Variants in GSN observed in about 807,000 individuals in gnomAD.
GSN encodes actin-depolymerizing factor.
Under a neutral mutation model 85.7 loss-of-function variants are expected in GSN, and 56 were observed. The ratio of observed to expected loss-of-function variants is 0.65; its 90% confidence interval spans 0.53 to 0.82. The LOEUF is 0.82. Among genes scored for constraint, GSN ranks in the 40% least tolerant of loss-of-function variants. The pLI is 0.00. For synonymous variants in GSN, 373 were observed against 399.1 expected, an observed-to-expected ratio of 0.93 and a Z score of 0.78; for missense variants, 857 against 979.8, an observed-to-expected ratio of 0.87 and a Z score of 1.67.
At chr9:121,286,924 T>C (rs2058160358) in intron 2 of GSN, among the ~76,000 whole-genome samples, 1 of 152,176 alleles carries the variant, frequency 6.6e-6, no homozygotes, top group South Asian at 2.1e-4. Flanking sequence ...TTGGGGAGGA[T>C]TCAACAAGAC....
intron 4 of GSN, 45 bp from the exon 5 acceptor site, chr9:121,310,639 C>T (rs41305625): frequency 6.7e-4 from 1,081 of 1,601,798 alleles, no homozygotes; most frequent in Non-Finnish European, 8.9e-4. Context: ...ATCTGCTTCC[C>T]TGGGCCTTCT....
intron 4 of GSN, among the ~76,000 whole-genome samples, chr9:121,220,921 T>C (rs2054157949): frequency 6.6e-6 from 1 of 152,218 alleles, no homozygotes; most frequent in African/African-American, 2.4e-5. Flanking sequence ...TTGTTAAAAG[T>C]GAATAGATGT....
At chr9:121,305,639 G>A (rs1279856918) in intron 4 of GSN, among the ~76,000 whole-genome samples, 1 of 152,210 alleles carries the variant, frequency 6.6e-6, no homozygotes, top group Admixed American at 6.5e-5. Context: ...TACTTGGATA[G>A]CCAGGTTCCC....
At chr9:121,324,913 T>C (rs2062969537) in intron 12 of GSN, among the ~76,000 whole-genome samples, 1 of 152,188 alleles carries the variant, frequency 6.6e-6, no homozygotes, top group Non-Finnish European at 1.5e-5. Flanking sequence ...TAGTAGACAT[T>C]CAACACACAG....
At chr9:121,281,965 G>A (rs1208382924) in intron 2 of GSN, 1 of 472,090 alleles carries the variant, frequency 2.1e-6, no homozygotes, top group Non-Finnish European at 4.4e-6. Flanking sequence ...TGAGAAAAAT[G>A]GGGGTCCATT....
At chr9:121,228,158 A>G (rs943018052) in intron 4 of GSN, among the ~76,000 whole-genome samples, 1 of 151,888 alleles carries the variant, frequency 6.6e-6, no homozygotes, top group Non-Finnish European at 1.5e-5. Context: ...TACCTACTCA[A>G]ATGTCTACCT....
At chr9:121,233,153 G>T (rs972998280) in intron 5 of GSN, among the ~76,000 whole-genome samples, 1 of 152,050 alleles carries the variant, frequency 6.6e-6, no homozygotes, top group Admixed American at 6.6e-5. Context: ...CCCTCTTGGA[G>T]CCCAGAGCTG....
At chr9:121,326,245 C>T (rs2063151244) in intron 12 of GSN, among the ~76,000 whole-genome samples, 1 of 151,886 alleles carries the variant, frequency 6.6e-6, no homozygotes, top group Non-Finnish European at 1.5e-5. Flanking sequence ...TCTCCTGGTT[C>T]TTGGACCAGG....
chr9:121,278,276 G>C lies in GSN; in HGVS notation c.-102-3194G>C, dbSNP rs149223609. 1.4e-4 allele frequency among the ~76,000 whole-genome samples: 22 copies of C among 152,308 alleles called. No individual in the cohort carries two copies. In the East Asian group the frequency reaches 3.7e-3, roughly 25 times the overall value. Reference sequence around the variant, plus strand: ...GTTATTGCAATGATGAGACATGCCTGTAGAGTTTAACGCTTGGAAGGTGCA... The same window carrying C: ...GTTATTGCAATGATGAGACATGCCTCTAGAGTTTAACGCTTGGAAGGTGCA... On this transcript the variant is annotated intron_variant, in intron 1 of 17. Coordinates refer to ENST00000432226, the MANE Select transcript of GSN (RefSeq NM_198252.3).
chr9:121,294,589 G>T (rs1359842423), intron 2 of GSN, among the ~76,000 whole-genome samples: 1 of 152,170 alleles, frequency 6.6e-6, no homozygotes, highest in East Asian at 1.9e-4. Context: ...GAGACAGTTG[G>T]TCTCCTGGAG....
chr9:121,303,687 G>A (rs1340535108), intron 4 of GSN, among the ~76,000 whole-genome samples: 1 of 152,166 alleles, frequency 6.6e-6, no homozygotes, highest in African/African-American at 2.4e-5. Flanking sequence ...TTCCTCTCTG[G>A]TTACCTGAGA....
chr9:121,316,689 T>C (rs1191905612), intron 7 of GSN, among the ~76,000 whole-genome samples: 2 of 152,194 alleles, frequency 1.3e-5, no homozygotes, highest in African/African-American at 4.8e-5. Context: ...CAGGCTGGTC[T>C]TGAACTCCTG....
chr9:121,310,615 TC>T, intron 4 of GSN, 68 bp from the exon 5 acceptor site: 1 of 1,481,134 alleles, frequency 6.8e-7, no homozygotes, highest in Non-Finnish European at 9.4e-7. Flanking sequence ...CTCAATTCTG[TC>T]CCCTTCTTCC....
At chr9:121,273,988 TG>T (rs1478998551) in intron 1 of GSN, among the ~76,000 whole-genome samples, 2 of 152,228 alleles carry the variant, frequency 1.3e-5, no homozygotes, top group Non-Finnish European at 2.9e-5. Context: ...TAAAAACTTC[TG>T]GTGAAAAGGT....
At chr9:121,217,201 A>C (rs2054079831) in intron 4 of GSN, among the ~76,000 whole-genome samples, 1 of 151,958 alleles carries the variant, frequency 6.6e-6, no homozygotes, top group African/African-American at 2.4e-5. Context: ...GTTTCTACTA[A>C]AAATACAAAA....
chr9:121,236,113 C>G lies in GSN; in HGVS notation c.-389+4810C>G, dbSNP rs527313362. Among the ~76,000 whole-genome samples, 407 of 152,322 alleles carry G rather than the reference C, an allele frequency of 2.7e-3. 1 individual carries two copies. The highest frequency in any genetic ancestry group is 9.1e-3 in the African/African-American group (377 of 41,558). On this transcript the variant is annotated intron_variant, in intron 5 of 24. Transcript: ENST00000373823. ...AGGAGCTGTTCTCCAGACCGCACTCCTAGCACCTGGCAGCCACAGGTGTTT... is the reference window on the plus strand; with the variant it reads ...AGGAGCTGTTCTCCAGACCGCACTCGTAGCACCTGGCAGCCACAGGTGTTT...
intron 5 of GSN, among the ~76,000 whole-genome samples, chr9:121,238,352 T>C (rs2054538423): frequency 6.6e-6 from 1 of 152,204 alleles, no homozygotes; most frequent in Non-Finnish European, 1.5e-5. Context: ...CAGAGGAATG[T>C]AGAAGGACTA....
chr9:121,328,504 G>A (rs532322038), intron 14 of GSN, among the ~76,000 whole-genome samples: 3 of 152,184 alleles, frequency 2.0e-5, no homozygotes, highest in Non-Finnish European at 2.9e-5. Context: ...AAGAGTATAG[G>A]TGTTAGAATC....
intron 2 of GSN, chr9:121,281,769 T>C (rs1327321234): frequency 1.1e-5 from 5 of 471,140 alleles, no homozygotes; most frequent in Non-Finnish European, 2.2e-5. Context: ...AGTGATCTTG[T>C]AGGGAGGAGG....
Sources: gnomAD v4.1 joint callset for allele counts (sites outside exome capture counted in the v4.1 genomes callset) on GRCh38, gnomAD v4.1.1 for gene constraint, MANE v1.5 for transcripts, NCBI Gene and HGNC (gene_info 2026-07-23, HGNC 2026-07-21) for gene names.